KCNJ15: variants seen among roughly 807,000 people sequenced by gnomAD.
KCNJ15 encodes the protein ATP-sensitive inward rectifier potassium channel 15.
Under a neutral mutation model 23.0 loss-of-function variants are expected in KCNJ15, and 14 were observed. The observed-to-expected ratio is 0.61, with a 90% CI of 0.40 to 0.95. The LOEUF (loss-of-function observed/expected upper bound fraction) is 0.95. Ranked by LOEUF, KCNJ15 falls within the 40% of genes least tolerant of loss-of-function variation. The pLI is 0.00. For missense variants in KCNJ15, 388 were observed against 461.8 expected (o/e 0.84, Z 1.46); for synonymous variants, 185 against 183.2 (o/e 1.01, Z -0.08).
chr21:38,283,883 A>G (rs1983613298), intron 1 of KCNJ15, among the ~76,000 whole-genome samples: 1 of 152,114 alleles, frequency 6.6e-6, no homozygotes, highest in African/African-American at 2.4e-5. Context: ...TCTTGGACTG[A>G]TGGTCCCTCC....
At chr21:38,263,539 T>C (rs1488495782) in intron 1 of KCNJ15, among the ~76,000 whole-genome samples, 1 of 152,220 alleles carries the variant, frequency 6.6e-6, no homozygotes, top group East Asian at 1.9e-4. Flanking sequence ...TTCTTTAACT[T>C]TGAATCCAAG....
intron 1 of KCNJ15, among the ~76,000 whole-genome samples, chr21:38,259,969 G>A (rs1342350567): frequency 1.3e-5 from 2 of 152,148 alleles, no homozygotes; most frequent in Non-Finnish European, 2.9e-5. Context: ...AAGAACACAA[G>A]GAGCCTGCTC....
chr21:38,288,030 G>GTT (rs71184612), intron 1 of KCNJ15, among the ~76,000 whole-genome samples: 1,089 of 81,368 alleles, frequency 0.013, 172 homozygotes, highest in Non-Finnish European at 0.017. Flanking sequence ...TTTTTTCTTT[G>GTT]TTTTTTTTTT....
At position 38,299,280 on chromosome 21, in the gene KCNJ15, G is replaced by C. The variant is rs199604899; in HGVS notation, c.19G>C (p.Gly7Arg). 8 of 1,613,042 alleles carry C rather than the reference G, an allele frequency of 5.0e-6. No homozygotes were observed. The Admixed American group carries it at 1.3e-4, about 27-fold the overall frequency. The change falls in exon 3 of 3, where the codon GGC becomes CGC. Residue 7 changes from glycine (G) to arginine (R), a missense_variant. By Grantham distance (125) the Gly-to-Arg change is moderately radical. Transcript: ENST00000398938. This position sits in a 1 kb window ranked among gnomAD's most constrained non-coding sequence, Gnocchi z 4.5. ...CCTGGCAATGGATGCCATTCACATCGGCATGTCCAGCACCCCCCTGGTGAA... is the reference window on the plus strand; with the variant it reads ...CCTGGCAATGGATGCCATTCACATCCGCATGTCCAGCACCCCCCTGGTGAA... MDAIHI[G>R]MSSTPLVKHT...
At chr21:38,240,654 G>A (rs1978934683) in intron 1 of KCNJ15, among the ~76,000 whole-genome samples, 1 of 152,120 alleles carries the variant, frequency 6.6e-6, no homozygotes, top group Admixed American at 6.5e-5. Context: ...ATTTTCTTAT[G>A]GGTAAAGTTC....
chr21:38,247,034 GTGGA>G (rs1167961345), intron 1 of KCNJ15, among the ~76,000 whole-genome samples: 3 of 146,678 alleles, frequency 2.0e-5, no homozygotes, highest in Middle Eastern at 3.8e-3. Context: ...GGATGCATAA[GTGGA>G]TGGATGGATG....
rs372553311 is a variant in KCNJ15, at chr21:38,243,474, T to A, written c.-398-13572T>A. ...AGATGGAGTATCACCCAGGCTGGAA[T>A]GCAGTGGCGTGATCTCGGCTCACTG... On this transcript the variant is annotated intron_variant, in intron 1 of 4. Transcript: ENST00000547341. Among the ~76,000 whole-genome samples, 5 of 139,566 alleles carry A rather than the reference T, an allele frequency of 3.6e-5. 1 individual carries two copies. Among genetic ancestry groups the A allele is most frequent in the African/African-American group, 1.4e-4 (5 of 35,986 alleles). 91.6% of individuals were successfully genotyped at this position (139,566 alleles called of 152,430 possible).
intron 1 of KCNJ15, among the ~76,000 whole-genome samples, chr21:38,232,609 G>A (rs1301649373): frequency 6.6e-6 from 1 of 151,678 alleles, no homozygotes; most frequent in Non-Finnish European, 1.5e-5. Context: ...TCTAAACATT[G>A]CTTTAACTGC....
chr21:38,298,324 G>T (rs898851532), intron 2 of KCNJ15: 3 of 152,158 alleles, frequency 2.0e-5, no homozygotes, highest in Non-Finnish European at 4.4e-5. Context: ...TACACTTATT[G>T]ACTTTTTCAT....
chr21:38,271,405 G>T (rs1982080814), intron 1 of KCNJ15, among the ~76,000 whole-genome samples: 1 of 152,204 alleles, frequency 6.6e-6, no homozygotes, highest in Non-Finnish European at 1.5e-5. Context: ...GGAAACTAAA[G>T]AGGAAAAGAT....
intron 1 of KCNJ15, among the ~76,000 whole-genome samples, chr21:38,239,319 G>A (rs948601754): frequency 3.3e-5 from 5 of 152,184 alleles, no homozygotes; most frequent in African/African-American, 4.8e-5. Context: ...ACAAAGCCAC[G>A]AAGCCATAAA....
intron 1 of KCNJ15, among the ~76,000 whole-genome samples, chr21:38,261,453 T>C (rs749882611): frequency 2.0e-4 from 30 of 152,330 alleles, no homozygotes; most frequent in Admixed American, 2.0e-4. Context: ...AATGGTTGAA[T>C]TAACTTATGT....
At chr21:38,257,496 C>T (rs16996036) in intron 1 of KCNJ15, among the ~76,000 whole-genome samples, 10,518 of 152,254 alleles carry the variant, frequency 0.069, 884 homozygotes, top group African/African-American at 0.2. Flanking sequence ...TCCGACTTCT[C>T]TTTGCAAGGG....
At position 38,299,921 on chromosome 21, in the gene KCNJ15, C is replaced by G. The variant is rs199899519; in HGVS notation, c.660C>G (p.His220Gln). The G allele has an allele frequency of 4.8e-5, 77 of 1,613,964 alleles. No individual in the cohort carries two copies. Among genetic ancestry groups the G allele is most frequent in the Admixed American group, 2.5e-4 (15 of 60,010 alleles). ...TCTCTGGCAAGCTCCTGCAGACCCA[C>G]GTCACCAAGGAGGGGGAGCGGATTC... ...CQLSGKLLQT[H>Q]VTKEGERILL... The change falls in exon 3 of 3, where the codon CAC becomes CAG. Residue 220 changes from histidine to glutamine, a missense_variant. By Grantham distance (24) the His-to-Gln change is conservative. Coordinates refer to ENST00000398938, the MANE Select transcript of KCNJ15 (RefSeq NM_170736.3). The surrounding 1 kb of genome is among the most constrained non-coding windows in gnomAD (Gnocchi z 4.5).
chr21:38,254,350 T>A (rs935892716), upstream of KCNJ15, among the ~76,000 whole-genome samples: 1 of 152,312 alleles, frequency 6.6e-6, no homozygotes, highest in East Asian at 1.9e-4. Context: ...TGTTGACATA[T>A]CACCAAATGA....
chr21:38,288,649 C>T (rs1984243716), intron 1 of KCNJ15, among the ~76,000 whole-genome samples: 2 of 152,036 alleles, frequency 1.3e-5, no homozygotes, highest in Non-Finnish European at 2.9e-5. Context: ...AAATGTGAGG[C>T]AAAGAAAGAT....
intron 1 of KCNJ15, among the ~76,000 whole-genome samples, chr21:38,276,451 C>T (rs1982707850): frequency 6.6e-6 from 1 of 151,942 alleles, no homozygotes; most frequent in African/African-American, 2.4e-5. Flanking sequence ...TCTCAATCAC[C>T]CATTCTATGT....
At chr21:38,247,278 A>G (rs1178747058) in intron 1 of KCNJ15, among the ~76,000 whole-genome samples, 1 of 150,512 alleles carries the variant, frequency 6.6e-6, no homozygotes, top group East Asian at 1.9e-4. Context: ...GTATGGCTAA[A>G]TGGATAGATG....
chr21:38,299,988 T>G lies in KCNJ15; in HGVS notation c.727T>G (p.Ser243Ala). Residue 243 changes from serine (S) to alanine (A), a missense_variant, in exon 3 of 3, where the codon TCT (serine) becomes GCT (alanine). Physicochemically the swap from Ser to Ala is moderately conservative, Grantham distance 99 (BLOSUM62 1). Transcript: ENST00000398938. This position sits in a 1 kb window ranked among gnomAD's most constrained non-coding sequence, Gnocchi z 4.5. ...TGTCAAATTCCACGTGGACTCCTCC[T>G]CTGAGAGCCCCTTCCTCATTCTGCC... ...ATVKFHVDSS[S>A]ESPFLILPMT... 3 of 1,614,054 alleles carry G rather than the reference T, an allele frequency of 1.9e-6. No individual in the cohort carries two copies. The highest frequency in any genetic ancestry group is 2.5e-6 in the Non-Finnish European group (3 of 1,180,002).
Sources: gnomAD v4.1 joint callset for allele counts (sites outside exome capture counted in the v4.1 genomes callset) on GRCh38, gnomAD v4.1.1 for gene constraint, Gnocchi (gnomAD v3.1) non-coding constraint, MANE v1.5 for transcripts, NCBI Gene and HGNC (gene_info 2026-07-23, HGNC 2026-07-21) for gene names.